The following GRM8 variants were observed in gnomAD, a reference collection of about 807,000 sequenced individuals.
GRM8 encodes the protein metabotropic glutamate receptor 8.
A neutral mutation model predicts 87.2 loss-of-function variants in GRM8; 47 were observed. The ratio of observed to expected loss-of-function variants is 0.54; its 90% CI spans 0.43 to 0.69. The LOEUF (loss-of-function observed/expected upper bound fraction) is 0.69. Ranked by LOEUF, GRM8 falls within the 30% of genes least tolerant of loss-of-function variation. GRM8 has a pLI of 0.00. For synonymous variants in GRM8, 396 were observed against 404.5 expected (o/e 0.98, Z 0.25); for missense variants, 1,019 against 1,139.2 (o/e 0.89, Z 1.52).
At chr7:126,613,537 A>G (rs1799135033) in intron 7 of GRM8, among the ~76,000 whole-genome samples, 1 of 152,206 alleles carries the variant, frequency 6.6e-6, no homozygotes, top group Admixed American at 6.5e-5. Flanking sequence ...TGGACAGGAC[A>G]GTGGGTGCAG....
chr7:126,576,594 A>C (rs750678726), intron 8 of GRM8, among the ~76,000 whole-genome samples: 1 of 152,052 alleles, frequency 6.6e-6, no homozygotes, highest in Admixed American at 6.6e-5. Flanking sequence ...CCAGCTTTTA[A>C]TATCTCTAAT....
intron 8 of GRM8, among the ~76,000 whole-genome samples, chr7:126,560,779 A>T (rs1352543522): frequency 6.6e-6 from 1 of 152,226 alleles, no homozygotes; most frequent in African/African-American, 2.4e-5. Flanking sequence ...GGAATGGGAT[A>T]AGGACAGTAT....
At chr7:126,971,199 T>G (rs1230396149) in intron 3 of GRM8, among the ~76,000 whole-genome samples, 1 of 135,862 alleles carries the variant, frequency 7.4e-6, no homozygotes, top group Non-Finnish European at 1.6e-5. Context: ...ATCTGTAAAG[T>G]ACAATAAAGT....
chr7:127,196,456 G>A (rs1018787537), intron 2 of GRM8, among the ~76,000 whole-genome samples: 2 of 151,848 alleles, frequency 1.3e-5, no homozygotes, highest in African/African-American at 4.8e-5. Context: ...GGCAGAGGTT[G>A]CAGTGAGCCA....
chr7:126,719,793 AT>A (rs34974130), intron 7 of GRM8, among the ~76,000 whole-genome samples: 134 of 138,000 alleles, frequency 9.7e-4, no homozygotes, highest in African/African-American at 1.8e-3. Context: ...GAGTGGGTGG[AT>A]TTTTTTTTTT....
At chr7:127,120,179 G>A (rs1352693431) in intron 2 of GRM8, among the ~76,000 whole-genome samples, 1 of 152,166 alleles carries the variant, frequency 6.6e-6, no homozygotes, top group Non-Finnish European at 1.5e-5. Flanking sequence ...TTCCAACTAT[G>A]CAGCTATCAT....
At chr7:127,071,605 AT>A (rs1436727345) in intron 3 of GRM8, among the ~76,000 whole-genome samples, 1 of 152,206 alleles carries the variant, frequency 6.6e-6, no homozygotes, top group African/African-American at 2.4e-5. Flanking sequence ...CTAGGTGGAA[AT>A]AACCCTTCCT....
At chr7:126,993,728 C>T (rs1812898782) in intron 3 of GRM8, among the ~76,000 whole-genome samples, 1 of 152,144 alleles carries the variant, frequency 6.6e-6, no homozygotes, top group Non-Finnish European at 1.5e-5. Flanking sequence ...TGCCCTGTCA[C>T]AGTGGAAAGC....
intron 2 of GRM8, among the ~76,000 whole-genome samples, chr7:127,130,606 A>C (rs1302681092): frequency 6.6e-6 from 1 of 152,200 alleles, no homozygotes. Context: ...TGTATCTGGC[A>C]GAAGAAATTT....
rs148656228 is a variant in GRM8, at chr7:127,177,928, A to T, written c.510+64767T>A. On this transcript the variant is annotated intron_variant, in intron 2 of 10. Coordinates refer to ENST00000339582, the MANE Select transcript of GRM8 (RefSeq NM_000845.3). ...CCAGAAAACCAACCCTGGTAATATG[A>T]CAATACAACGCTCTTCAACACCCAC... Among the ~76,000 whole-genome samples, 530 of 152,230 alleles carry T rather than the reference A, an allele frequency of 3.5e-3. 9 individuals carry two copies. Among genetic ancestry groups the T allele is most frequent in the Admixed American group, 0.029 (444 of 15,294 alleles).
intron 3 of GRM8, among the ~76,000 whole-genome samples, chr7:126,927,491 A>G (rs1032860860): frequency 2.0e-5 from 3 of 152,152 alleles, no homozygotes; most frequent in Non-Finnish European, 4.4e-5. Context: ...GCTACTTGTG[A>G]CTGGACAAAT....
intron 7 of GRM8, among the ~76,000 whole-genome samples, chr7:126,680,931 C>T (rs1009557487): frequency 6.6e-6 from 1 of 152,186 alleles, no homozygotes; most frequent in African/African-American, 2.4e-5. Flanking sequence ...CGTATGTATT[C>T]ACCTGTGTAT....
intron 6 of GRM8, among the ~76,000 whole-genome samples, chr7:126,880,942 C>T (rs147856166): frequency 1.6e-4 from 24 of 152,312 alleles, no homozygotes; most frequent in Non-Finnish European, 2.4e-4. Context: ...TTCTCACCAG[C>T]CTAGTCTTTC....
At chr7:127,237,368 C>T (rs1432656066) in intron 2 of GRM8, among the ~76,000 whole-genome samples, 1 of 152,112 alleles carries the variant, frequency 6.6e-6, no homozygotes, top group African/African-American at 2.4e-5. Context: ...TAGATGAGCC[C>T]GGATATGGCA....
At chr7:126,872,857 A>G (rs887487851) in intron 6 of GRM8, among the ~76,000 whole-genome samples, 2 of 152,198 alleles carry the variant, frequency 1.3e-5, no homozygotes, top group African/African-American at 4.8e-5. Flanking sequence ...TTTTAAAATG[A>G]AAATCTATAT....
chr7:127,175,492 G>T (rs1298610214), intron 2 of GRM8, among the ~76,000 whole-genome samples: 6 of 152,030 alleles, frequency 3.9e-5, no homozygotes, highest in African/African-American at 4.8e-5. Flanking sequence ...GATCCATGAG[G>T]TTCAGAGAAA....
chr7:126,892,637 T>TGGGTATATA (rs1159139024), intron 6 of GRM8, among the ~76,000 whole-genome samples: 93 of 152,278 alleles, frequency 6.1e-4, no homozygotes, highest in Admixed American at 2.2e-3. Context: ...TTTATAGTCC[T>TGGGTATATA]TTGGGTATAT....
At chr7:127,019,426 T>C (rs1816032661) in intron 3 of GRM8, among the ~76,000 whole-genome samples, 1 of 152,102 alleles carries the variant, frequency 6.6e-6, no homozygotes, top group Non-Finnish European at 1.5e-5. Flanking sequence ...AATAGCATTA[T>C]TTATCATAAG....
intron 6 of GRM8, among the ~76,000 whole-genome samples, chr7:126,873,571 T>C (rs7809518): frequency 0.38 from 57,699 of 151,944 alleles, 11,835 homozygotes; most frequent in Non-Finnish European, 0.46. Flanking sequence ...CAAAATCAAA[T>C]GACCAATCCC....
Sources: gnomAD v4.1 joint callset for allele counts (sites outside exome capture counted in the v4.1 genomes callset) on GRCh38, gnomAD v4.1.1 for gene constraint, MANE v1.5 for transcripts, NCBI Gene and HGNC (gene_info 2026-07-23, HGNC 2026-07-21) for gene names.